Variants in TESK2 observed in about 807,000 individuals in gnomAD.
TESK2 encodes the protein testis associated actin remodelling kinase 2, also known as dual specificity testis-specific protein kinase 2.
In TESK2, 39 loss-of-function variants were observed where a neutral mutation model predicts 57.1. The observed-to-expected ratio is 0.68, with a 90% CI of 0.53 to 0.89. The LOEUF is 0.89. Among genes scored for constraint, TESK2 ranks in the 40% least tolerant of loss-of-function variants. The pLI is 0.00. For synonymous variants in TESK2, 249 were observed against 267.9 expected (o/e 0.93, Z 0.69); for missense variants, 646 against 732.1 (o/e 0.88, Z 1.36).
intron 1 of TESK2, among the ~76,000 whole-genome samples, chr1:45,475,911 C>T (rs1652972545): frequency 6.6e-6 from 1 of 152,212 alleles, no homozygotes; most frequent in Admixed American, 6.5e-5. Context: ...TGGACTTACA[C>T]CAGTGATTTG....
At chr1:45,367,498 G>A (rs1647978205) in intron 4 of TESK2, among the ~76,000 whole-genome samples, 1 of 149,784 alleles carries the variant, frequency 6.7e-6, no homozygotes, top group Admixed American at 6.7e-5. Flanking sequence ...ACAGGCATGT[G>A]CCACCATGCC....
chr1:45,407,264 TA>T (rs1649885623), intron 3 of TESK2, among the ~76,000 whole-genome samples: 5 of 151,680 alleles, frequency 3.3e-5, no homozygotes, highest in Non-Finnish European at 5.9e-5. Flanking sequence ...TTTGTTTTTT[TA>T]ATCTTTTGCT....
chr1:45,413,577 TTTTCTTTC>T (rs925603978), intron 3 of TESK2, among the ~76,000 whole-genome samples: 8 of 152,202 alleles, frequency 5.3e-5, no homozygotes, highest in African/African-American at 1.9e-4. Flanking sequence ...TTCTTTTTCT[TTTTCTTTC>T]TTTCTTTCTT....
intron 3 of TESK2, among the ~76,000 whole-genome samples, chr1:45,391,149 C>T (rs1376691810): frequency 6.6e-6 from 1 of 151,410 alleles, no homozygotes; most frequent in Non-Finnish European, 1.5e-5. Flanking sequence ...ATCTCCTGAC[C>T]TCGTGATCCG....
At chr1:45,353,048 G>A (rs2149264326) in intron 5 of TESK2, among the ~76,000 whole-genome samples, 1 of 152,198 alleles carries the variant, frequency 6.6e-6, no homozygotes, top group African/African-American at 2.4e-5. Flanking sequence ...ACAGGCACCT[G>A]CCATCATGCC....
chr1:45,415,316 T>C, intron 3 of TESK2: 1 of 1,142,710 alleles, frequency 8.8e-7, no homozygotes, highest in Admixed American at 1.7e-5. Context: ...AGCAAGGAGA[T>C]CACCATTGCT....
intron 1 of TESK2, among the ~76,000 whole-genome samples, chr1:45,460,680 T>A (rs1175645973): frequency 1.3e-5 from 2 of 152,080 alleles, no homozygotes; most frequent in African/African-American, 4.8e-5. Flanking sequence ...CAGCTACCTG[T>A]GTAGCTGGGA....
chr1:45,388,831 C>T (rs1029868892), intron 3 of TESK2, among the ~76,000 whole-genome samples: 4 of 151,126 alleles, frequency 2.6e-5, no homozygotes, highest in African/African-American at 9.8e-5. Context: ...CGCCATTCTC[C>T]TGCCTCAGCC....
At chr1:45,365,843 T>G (rs1647892477) in intron 4 of TESK2, among the ~76,000 whole-genome samples, 2 of 151,702 alleles carry the variant, frequency 1.3e-5, no homozygotes, top group African/African-American at 4.8e-5. Flanking sequence ...ACCTGGCTAA[T>G]TTTTGTATTT....
In TESK2 at chr1:45,382,450, G is replaced by C. The variant is rs570535803; in HGVS notation, c.393+3462C>G. Among the ~76,000 whole-genome samples the C allele has an allele frequency of 7.2e-5, 11 of 152,202 alleles. No individual in the cohort carries two copies. The East Asian group carries it at 2.1e-3, about 29-fold the overall frequency. The stretch of plus-strand genomic sequence containing the variant: ...GACAGGCTTTTGCCATGTTGCCCAG[G>C]CTGGTCTCAAATTTCTGAGCTCAAG... On this transcript the variant is annotated intron_variant, in intron 4 of 10. Transcript: ENST00000372086.
intron 3 of TESK2, among the ~76,000 whole-genome samples, chr1:45,403,150 G>A (rs1649697583): frequency 6.6e-6 from 1 of 151,238 alleles, no homozygotes; most frequent in Admixed American, 6.6e-5. Flanking sequence ...TGGGTGTGGG[G>A]CACGCCTGTG....
chr1:45,490,073 A>C (rs540243009), intron 1 of TESK2, among the ~76,000 whole-genome samples: 51 of 152,130 alleles, frequency 3.4e-4, no homozygotes, highest in Non-Finnish European at 6.3e-4. Context: ...TTTTCTGCCT[A>C]CCTGGCCTTT....
At chr1:45,433,306 T>A (rs1232214679) in intron 2 of TESK2, among the ~76,000 whole-genome samples, 1 of 152,016 alleles carries the variant, frequency 6.6e-6, no homozygotes, top group Non-Finnish European at 1.5e-5. Context: ...CTTGAACTCC[T>A]GGCCTCAAGT....
chr1:45,387,030 G>A (rs1214960534), intron 3 of TESK2, among the ~76,000 whole-genome samples: 3 of 151,530 alleles, frequency 2.0e-5, no homozygotes, highest in South Asian at 2.1e-4. Context: ...TCATTCTTAC[G>A]CCTTTGCATA....
chr1:45,455,066 A>G (rs1652019164), intron 2 of TESK2, among the ~76,000 whole-genome samples: 2 of 152,196 alleles, frequency 1.3e-5, no homozygotes, highest in African/African-American at 4.8e-5. Context: ...AGCATTAATC[A>G]GGCCGCACTT....
chr1:45,411,183 T>G (rs1478832503), intron 3 of TESK2, among the ~76,000 whole-genome samples: 1 of 152,178 alleles, frequency 6.6e-6, no homozygotes, highest in Non-Finnish European at 1.5e-5. Flanking sequence ...TTATAGAACC[T>G]AAGACTGGTT....
intron 3 of TESK2, among the ~76,000 whole-genome samples, chr1:45,418,927 T>TA (rs1182643003): frequency 2.7e-5 from 4 of 150,000 alleles, no homozygotes; most frequent in South Asian, 2.1e-4. Flanking sequence ...AAAAGTAATT[T>TA]AAAAAAAAAT....
chr1:45,441,571 G>A (rs1246084747), intron 2 of TESK2, among the ~76,000 whole-genome samples: 1 of 150,652 alleles, frequency 6.6e-6, no homozygotes, highest in Non-Finnish European at 1.5e-5. Context: ...GCGTCCCAAA[G>A]TGCTGAGATT....
intron 3 of TESK2, among the ~76,000 whole-genome samples, chr1:45,408,620 G>A (rs1649932958): frequency 1.3e-5 from 2 of 152,162 alleles, no homozygotes; most frequent in Non-Finnish European, 2.9e-5. Flanking sequence ...ATACTTCTGA[G>A]AAAGGTTGTC....
Sources: gnomAD v4.1 joint callset for allele counts (sites outside exome capture counted in the v4.1 genomes callset) on GRCh38, gnomAD v4.1.1 for gene constraint, MANE v1.5 for transcripts, NCBI Gene and HGNC (gene_info 2026-07-23, HGNC 2026-07-21) for gene names.